SLC8A3: variants seen among roughly 807,000 people sequenced by gnomAD.
SLC8A3 encodes solute carrier family 8 member A3.
SLC8A3 carries 37 observed loss-of-function variants against 65.4 expected under a neutral mutation model. The observed-to-expected ratio is 0.57, with a 90% CI of 0.44 to 0.74. The LOEUF (loss-of-function observed/expected upper bound fraction) is 0.74, where lower values mean the gene tolerates loss of function less well. Among genes scored for constraint, SLC8A3 ranks in the 30% least tolerant of loss-of-function variants. The pLI is 0.00. For synonymous variants in SLC8A3, 461 were observed against 444.5 expected (o/e 1.04, Z -0.47); for missense variants, 1,112 against 1,172.1 (o/e 0.95, Z 0.75).
chr14:70,146,700 G>T (rs1387767286), intron 2 of SLC8A3, among the ~76,000 whole-genome samples: 3 of 152,176 alleles, frequency 2.0e-5, no homozygotes, highest in African/African-American at 7.2e-5. Flanking sequence ...CAGCTTCCAT[G>T]CTGTAAGCCA....
chr14:70,095,889 T>C (rs922088418), intron 2 of SLC8A3, among the ~76,000 whole-genome samples: 4 of 152,112 alleles, frequency 2.6e-5, no homozygotes, highest in Admixed American at 2.0e-4. Context: ...ATCTTCTTTT[T>C]TTTTTTCGTT....
intron 1 of SLC8A3, among the ~76,000 whole-genome samples, chr14:70,171,673 G>A (rs755076156): frequency 2.6e-5 from 4 of 152,084 alleles, no homozygotes; most frequent in East Asian, 1.9e-4. Flanking sequence ...GGTGGTGCAC[G>A]CCTATAATCC....
intron 2 of SLC8A3, among the ~76,000 whole-genome samples, chr14:70,103,577 T>C (rs1486255477): frequency 2.6e-5 from 4 of 152,002 alleles, no homozygotes; most frequent in Admixed American, 6.5e-5. Context: ...AGTGGTACAA[T>C]ATGATTTCTA....
intron 2 of SLC8A3, among the ~76,000 whole-genome samples, 153 bp from the exon 3 acceptor site, chr14:70,061,092 T>C (rs1888750476): frequency 6.6e-6 from 1 of 152,114 alleles, no homozygotes; most frequent in Admixed American, 6.5e-5. Flanking sequence ...GTGGATTGTG[T>C]TGTTCTCAGG....
chr14:70,077,869 A>T (rs937070857), intron 2 of SLC8A3, among the ~76,000 whole-genome samples: 1 of 152,246 alleles, frequency 6.6e-6, no homozygotes, highest in Non-Finnish European at 1.5e-5. Context: ...TGCAAAAGAC[A>T]TCTGCCCTTC....
intron 2 of SLC8A3, among the ~76,000 whole-genome samples, chr14:70,147,710 C>T (rs1010509820): frequency 3.3e-5 from 5 of 152,088 alleles, no homozygotes; most frequent in African/African-American, 1.2e-4. Flanking sequence ...ATTAATTTTG[C>T]CAACAACCAC....
chr14:70,046,283 A>G lies in SLC8A3; in HGVS notation c.2430T>C (p.Tyr810=), dbSNP rs1436002154. The part of the protein sequence containing the change: ...ASKAAALQDV[Y]ADASIGNVTG... The stretch of plus-strand genomic sequence containing the variant: ...TCACGTTGCCAATGGAGGCGTCTGC[A>G]TATACATCCTGGAGGGCAGCAGCTT... Residue 810 remains tyrosine (Y), a synonymous_variant, in exon 7 of 7, where the codon TAT becomes TAC. Coordinates refer to ENST00000356921, the MANE Select transcript of SLC8A3 (RefSeq NM_182932.3). The surrounding 1 kb of genome is among the most constrained non-coding windows in gnomAD (Gnocchi z 4.2). 1.9e-6 allele frequency: 3 copies of G among 1,613,410 alleles called. No individual in the cohort carries two copies. The highest frequency in any genetic ancestry group is 1.1e-5 in the South Asian group (1 of 91,036).
At chr14:70,090,632 A>G (rs760447798) in intron 2 of SLC8A3, among the ~76,000 whole-genome samples, 4 of 152,190 alleles carry the variant, frequency 2.6e-5, no homozygotes, top group Admixed American at 1.3e-4. Flanking sequence ...AAACTTGTAT[A>G]TATATAGTGG....
Position 70,065,212 on chromosome 14 carries a change from C to T in SLC8A3, c.1785-4273G>A, listed in dbSNP as rs1057416939. Among the ~76,000 whole-genome samples, 4 of 152,144 alleles carry T rather than the reference C, an allele frequency of 2.6e-5. No homozygotes were observed. In the South Asian group the frequency reaches 8.3e-4, roughly 32 times the overall value. On this transcript the variant is annotated intron_variant, in intron 2 of 6. Transcript: ENST00000356921. ...TCTAAATGGGTACAACCTCCCTGCC[C>T]TCCTGAGCTTCCCCAAGTCACCATT...
At chr14:70,172,484 A>G (rs902921996) in intron 1 of SLC8A3, among the ~76,000 whole-genome samples, 4 of 152,186 alleles carry the variant, frequency 2.6e-5, no homozygotes, top group Non-Finnish European at 4.4e-5. Flanking sequence ...TGGACTTAGA[A>G]GCAAGGTGAC....
chr14:70,077,838 C>T (rs2139973700), intron 2 of SLC8A3, among the ~76,000 whole-genome samples: 1 of 152,324 alleles, frequency 6.6e-6, no homozygotes, highest in Non-Finnish European at 1.5e-5. Flanking sequence ...AGTGCAGTGG[C>T]AGAAAACAGT....
chr14:70,185,140 TA>T lies in SLC8A3; in HGVS notation c.-63+3238del, dbSNP rs1304900688. Among the ~76,000 whole-genome samples, 5 of 152,204 alleles carry T rather than the reference TA, an allele frequency of 3.3e-5. No homozygotes were observed. In the East Asian group the frequency reaches 9.7e-4, roughly 30 times the overall value. ...TGCCACCATGCCCAGCTAATTTTTG[TA>T]TTTTTAGTAGAGACGGGATTTCACC... is the stretch of plus-strand genomic sequence containing the variant. On this transcript the variant is annotated intron_variant, in intron 1 of 6. Coordinates refer to ENST00000356921, the MANE Select transcript of SLC8A3 (RefSeq NM_182932.3).
intron 3 of SLC8A3, among the ~76,000 whole-genome samples, chr14:70,053,027 A>C (rs781359827): frequency 6.6e-6 from 1 of 152,216 alleles, no homozygotes; most frequent in Admixed American, 6.5e-5. Flanking sequence ...CCAAGGGTTT[A>C]AATTACCAAG....
At chr14:70,074,819 A>G (rs1242206560) in intron 2 of SLC8A3, among the ~76,000 whole-genome samples, 3 of 150,792 alleles carry the variant, frequency 2.0e-5, no homozygotes, top group Non-Finnish European at 4.5e-5. Flanking sequence ...AAATATCAAA[A>G]TGTTAATAAA....
At chr14:70,161,367 G>A (rs1013556874) in intron 2 of SLC8A3, among the ~76,000 whole-genome samples, 2 of 141,748 alleles carry the variant, frequency 1.4e-5, no homozygotes, top group Non-Finnish European at 3.1e-5. Context: ...GTGGGCAATT[G>A]TGGTTGAACA....
rs978734974 is a variant in SLC8A3, at chr14:70,044,370, A to C, written c.*1577T>G. The C allele has an allele frequency of 7.6e-6, 1 of 130,728 alleles. No individual in the cohort carries two copies. Among genetic ancestry groups the C allele is most frequent in the Non-Finnish European group, 1.6e-5 (1 of 63,134 alleles). 8.1% of individuals were successfully genotyped at this position (130,728 alleles called of 1,614,324 possible). On this transcript the variant is annotated 3_prime_UTR_variant, in exon 7 of 7. Coordinates refer to ENST00000356921, the MANE Select transcript of SLC8A3 (RefSeq NM_182932.3). ...TGTTTAAAATTAACAGGTGTTTTTTAATTTCTTCCCCCCCCCCCTTAGAAA... is the reference window on the plus strand; with the variant it reads ...TGTTTAAAATTAACAGGTGTTTTTTCATTTCTTCCCCCCCCCCCTTAGAAA...
intron 2 of SLC8A3, among the ~76,000 whole-genome samples, chr14:70,144,329 TTTAA>T (rs1423722002): frequency 8.1e-5 from 9 of 110,920 alleles, no homozygotes; most frequent in East Asian, 3.3e-4. Flanking sequence ...TTTTTTTTTT[TTTAA>T]AAAAAAAAAA....
intron 2 of SLC8A3, among the ~76,000 whole-genome samples, chr14:70,151,833 G>T (rs1896295885): frequency 6.6e-6 from 1 of 151,988 alleles, no homozygotes; most frequent in South Asian, 2.1e-4. Flanking sequence ...GGAGTTCCTT[G>T]GGTGCCTCAC....
At chr14:70,107,401 G>T (rs1172351963) in intron 2 of SLC8A3, among the ~76,000 whole-genome samples, 1 of 152,102 alleles carries the variant, frequency 6.6e-6, no homozygotes, top group Non-Finnish European at 1.5e-5. Flanking sequence ...GTTGCCAGCA[G>T]CCACTGTGCA....
Sources: allele counts gnomAD v4.1 joint callset (sites outside exome capture counted in the v4.1 genomes callset), GRCh38; gene constraint gnomAD v4.1.1; non-coding constraint Gnocchi (gnomAD v3.1); transcripts MANE v1.5; gene names NCBI Gene and HGNC (gene_info 2026-07-23, HGNC 2026-07-21).